Variants in MARCHF4 observed in about 807,000 individuals in gnomAD.
MARCHF4 encodes the protein E3 ubiquitin-protein ligase MARCHF4.
MARCHF4 carries 14 observed loss-of-function variants against 43.9 expected under a neutral mutation model. That is an observed-to-expected ratio of 0.32 (90% confidence interval 0.21 to 0.50). The LOEUF (loss-of-function observed/expected upper bound fraction) is 0.50. Among genes scored for constraint, MARCHF4 ranks in the 20% least tolerant of loss-of-function variants. The pLI is 0.98. For missense variants in MARCHF4, 468 were observed against 536.7 expected, an observed-to-expected ratio of 0.87 and a Z score of 1.27; for synonymous variants, 226 against 213.3, an observed-to-expected ratio of 1.06 and a Z score of -0.52.
intron 1 of MARCHF4, among the ~76,000 whole-genome samples, chr2:216,340,293 CATCT>C (rs1692217171): frequency 1.3e-5 from 2 of 152,256 alleles, no homozygotes; most frequent in South Asian, 4.1e-4. Flanking sequence ...TGGAATTCCC[CATCT>C]GAGTGTTGTT....
At chr2:216,298,260 T>G (rs1427891489) in intron 1 of MARCHF4, among the ~76,000 whole-genome samples, 1 of 71,602 alleles carries the variant, frequency 1.4e-5, no homozygotes, top group African/African-American at 2.3e-4. Flanking sequence ...TTTTAGGTTT[T>G]TTTTTTTTTT....
intron 1 of MARCHF4, among the ~76,000 whole-genome samples, chr2:216,320,815 C>T (rs1396976504): frequency 1.3e-5 from 2 of 148,412 alleles, no homozygotes; most frequent in Non-Finnish European, 3.0e-5. Flanking sequence ...GGATTACAGG[C>T]ATGCACTACC....
At position 216,371,973 on chromosome 2, in the gene MARCHF4, TGCGGTGCCAGCTGAAG is replaced by T; in HGVS notation, c.-1729_-1714del. 6.6e-6 allele frequency: 1 copy of T among 152,416 alleles called. No homozygotes were observed. The highest frequency in any genetic ancestry group is 2.4e-5 in the African/African-American group (1 of 41,568). 9.4% of individuals were successfully genotyped at this position (152,416 alleles called of 1,614,324 possible). A position where few individuals can be genotyped will look rare whatever the true frequency, so the allele number is the denominator to read the frequency against. ...CAGATGCAACGAGGTAAGGCTTGTT[TGCGGTGCCAGCTGAAG>T]GTGGGGAGGGGGGAGCGAAGCAGTG... On this transcript the variant is annotated 5_prime_UTR_variant, in exon 1 of 4. Transcript: ENST00000273067.
intron 3 of MARCHF4, among the ~76,000 whole-genome samples, chr2:216,272,426 A>C (rs896540871): frequency 3.3e-5 from 5 of 152,216 alleles, no homozygotes; most frequent in Non-Finnish European, 5.9e-5. Context: ...AGCAGTTATC[A>C]TGAGGGTCAA....
chr2:216,308,557 T>C (rs1691628043), intron 1 of MARCHF4, among the ~76,000 whole-genome samples: 2 of 152,350 alleles, frequency 1.3e-5, no homozygotes, highest in Non-Finnish European at 2.9e-5. Context: ...AGCCCTACAG[T>C]GTGCCTGGTA....
rs370827634 is a variant in MARCHF4, at chr2:216,311,898, G to A, written c.517-28169C>T. ...TGTAATCAGTGTATTAGGAGCAAAT[G>A]GTATCCAATTGCTGTTTTAAGTTGT... is the stretch of plus-strand genomic sequence containing the variant. On this transcript the variant is annotated intron_variant, in intron 1 of 3. Transcript: ENST00000273067. Among the ~76,000 whole-genome samples the A allele has an allele frequency of 1.6e-4, 24 of 152,192 alleles. 1 individual carries two copies. In the South Asian group the frequency reaches 4.8e-3, roughly 30 times the overall value.
intron 1 of MARCHF4, among the ~76,000 whole-genome samples, chr2:216,301,837 C>G (rs79770913): frequency 6.6e-6 from 1 of 152,096 alleles, no homozygotes; most frequent in East Asian, 1.9e-4. Context: ...ATGAGGGCAA[C>G]AGTATTGCTG....
intron 1 of MARCHF4, among the ~76,000 whole-genome samples, chr2:216,300,604 G>A (rs928036062): frequency 2.6e-5 from 4 of 151,890 alleles, no homozygotes; most frequent in African/African-American, 9.7e-5. Flanking sequence ...CCTTGACCTC[G>A]CAAAGTATTG....
At position 216,259,130 on chromosome 2, in the gene MARCHF4, T is replaced by C; in HGVS notation, c.*182A>G. 1 of 736,876 alleles carries C rather than the reference T, an allele frequency of 1.4e-6. No individual in the cohort carries two copies. Among genetic ancestry groups the C allele is most frequent in the South Asian group, 3.0e-5 (1 of 33,820 alleles). 45.6% of individuals were successfully genotyped at this position (736,876 alleles called of 1,614,324 possible). On this transcript the variant is annotated 3_prime_UTR_variant, in exon 4 of 4. Coordinates refer to ENST00000273067, the MANE Select transcript of MARCHF4 (RefSeq NM_020814.3). ...TGTTGTGGAGAGTGGCATTGACTGA[T>C]TGGAAATAGCAGAACTGCTCCTGCA...
At chr2:216,344,277 G>T (rs532055917) in intron 1 of MARCHF4, among the ~76,000 whole-genome samples, 65 of 151,390 alleles carry the variant, frequency 4.3e-4, no homozygotes, top group Non-Finnish European at 5.7e-4. Context: ...AAAAACATGT[G>T]ACAATACTTG....
At chr2:216,318,511 A>G (rs1691821276) in intron 1 of MARCHF4, among the ~76,000 whole-genome samples, 1 of 152,234 alleles carries the variant, frequency 6.6e-6, no homozygotes, top group South Asian at 2.1e-4. Flanking sequence ...AATGGAAAGT[A>G]CCAGAGGGGT....
intron 1 of MARCHF4, among the ~76,000 whole-genome samples, chr2:216,296,558 TG>T (rs1316260842): frequency 6.6e-6 from 1 of 152,086 alleles, no homozygotes; most frequent in African/African-American, 2.4e-5. Context: ...TAGGAGCAAC[TG>T]GGGGTTTTGT....
At chr2:216,369,389 G>A (rs1005933246) in intron 1 of MARCHF4, among the ~76,000 whole-genome samples, 1 of 152,206 alleles carries the variant, frequency 6.6e-6, no homozygotes, top group Non-Finnish European at 1.5e-5. Flanking sequence ...CTAACAACAA[G>A]TTAGATAAAA....
At chr2:216,288,357 C>T (rs380919) in intron 1 of MARCHF4, among the ~76,000 whole-genome samples, 71,314 of 152,112 alleles carry the variant, frequency 0.47, 17,272 homozygotes, top group East Asian at 0.71. Context: ...TTCTAACTCA[C>T]ATTTCTGTAA....
chr2:216,339,573 C>G (rs935963944), intron 1 of MARCHF4, among the ~76,000 whole-genome samples: 14 of 152,234 alleles, frequency 9.2e-5, no homozygotes, highest in Non-Finnish European at 2.1e-4. Context: ...ACACGCTTTT[C>G]TCTCTTGGCT....
At chr2:216,270,597 T>A (rs1690921029) in intron 3 of MARCHF4, among the ~76,000 whole-genome samples, 1 of 152,162 alleles carries the variant, frequency 6.6e-6, no homozygotes, top group African/African-American at 2.4e-5. Flanking sequence ...ATGTGTCTTG[T>A]TTATCTTCTA....
At chr2:216,307,164 T>G (rs944009127) in intron 1 of MARCHF4, among the ~76,000 whole-genome samples, 2 of 152,150 alleles carry the variant, frequency 1.3e-5, no homozygotes, top group African/African-American at 4.8e-5. Flanking sequence ...GCACGTTAGA[T>G]GGGCCCTCTC....
chr2:216,284,918 C>T (rs1460590931), intron 1 of MARCHF4, among the ~76,000 whole-genome samples: 3 of 152,128 alleles, frequency 2.0e-5, no homozygotes, highest in African/African-American at 7.2e-5. Context: ...TGGGAGTGGT[C>T]CCTGACTTCT....
intron 1 of MARCHF4, among the ~76,000 whole-genome samples, chr2:216,345,462 CA>C (rs1413662340): frequency 6.6e-6 from 1 of 151,992 alleles, no homozygotes; most frequent in Non-Finnish European, 1.5e-5. Context: ...CCATCTGGAC[CA>C]ATCAATCAGC....
Sources: allele counts gnomAD v4.1 joint callset (sites outside exome capture counted in the v4.1 genomes callset), GRCh38; gene constraint gnomAD v4.1.1; transcripts MANE v1.5; gene names NCBI Gene and HGNC (gene_info 2026-07-23, HGNC 2026-07-21).